The following HTR2B variants were observed in gnomAD, a reference collection of about 807,000 sequenced individuals.
HTR2B encodes the protein 5-HT 2B receptor.
HTR2B carries 31 observed loss-of-function variants against 39.8 expected under a neutral mutation model. The observed-to-expected ratio is 0.78, with a 90% confidence interval of 0.58 to 1.05. The LOEUF (loss-of-function observed/expected upper bound fraction) is 1.05, where lower values mean the gene tolerates loss of function less well. HTR2B is among the 50% of genes least tolerant of loss of function. HTR2B has a pLI of 0.00. For missense variants in HTR2B, 562 were observed against 578.0 expected (o/e 0.97, Z 0.28); for synonymous variants, 210 against 207.1 (o/e 1.01, Z -0.12).
chr2:231,122,186 A>G (rs560282370), intron 2 of HTR2B, among the ~76,000 whole-genome samples: 4 of 152,260 alleles, frequency 2.6e-5, no homozygotes, highest in African/African-American at 7.2e-5. Flanking sequence ...GTAGAACTTT[A>G]CTCATTACTG....
chr2:231,118,461 G>A (rs112619219), intron 2 of HTR2B, among the ~76,000 whole-genome samples: 3,374 of 152,190 alleles, frequency 0.022, 135 homozygotes, highest in African/African-American at 0.077. Flanking sequence ...ACTTTCAATT[G>A]AATTTGTCAT....
chr2:231,114,086 C>T (rs2125215285), intron 2 of HTR2B, among the ~76,000 whole-genome samples, 157 bp from the exon 3 acceptor site: 1 of 152,280 alleles, frequency 6.6e-6, no homozygotes, highest in African/African-American at 2.4e-5. Flanking sequence ...ATGGAGACAA[C>T]ATTAAATTCA....
intron 3 of HTR2B, 121 bp downstream of exon 3, chr2:231,113,608 T>G: frequency 1.2e-6 from 1 of 838,858 alleles, no homozygotes; most frequent in Non-Finnish European, 2.1e-6. Flanking sequence ...TATGTTAATG[T>G]ATCAGTAGGC....
intron 2 of HTR2B, among the ~76,000 whole-genome samples, chr2:231,120,081 A>G (rs1695484528): frequency 6.6e-6 from 1 of 151,352 alleles, no homozygotes; most frequent in South Asian, 2.1e-4. Context: ...TCTCCCGAGT[A>G]GCTGGGACTA....
At chr2:231,113,553 G>A (rs190721471) in intron 3 of HTR2B, among the ~76,000 whole-genome samples, 176 bp downstream of exon 3, 71 of 152,352 alleles carry the variant, frequency 4.7e-4, no homozygotes, top group African/African-American at 1.6e-3. Context: ...TTTACCAACA[G>A]TATGTTTTAG....
At chr2:231,117,116 ATTAAT>A (rs1695370082) in intron 2 of HTR2B, among the ~76,000 whole-genome samples, 2 of 152,064 alleles carry the variant, frequency 1.3e-5, no homozygotes, top group Admixed American at 6.5e-5. Flanking sequence ...TTTAGTTAGT[ATTAAT>A]TTAGCTCAAA....
intron 2 of HTR2B, among the ~76,000 whole-genome samples, chr2:231,115,120 G>C (rs1278170026): frequency 6.6e-6 from 1 of 151,966 alleles, no homozygotes; most frequent in Admixed American, 6.6e-5. Flanking sequence ...AGAACAACAA[G>C]AGACTCTTCT....
Position 231,108,409 on chromosome 2 carries a change from A to G in HTR2B, c.*108T>C, listed in dbSNP as rs924551696. On this transcript the variant is annotated 3_prime_UTR_variant, in exon 4 of 4. Transcript: ENST00000258400. ...AATACTTACATCTTAGGTTAAAGAG[A>G]TGATTTGATATATGACATAAAATTC... The G allele has an allele frequency of 1.8e-5, 14 of 784,030 alleles. No homozygotes were observed. The African/African-American group carries it at 2.4e-4, about 14-fold the overall frequency. The allele number at this position is 784,030 out of a possible 1,614,324, so 48.6% of individuals were successfully genotyped here.
At chr2:231,111,010 T>C (rs1312174385) in intron 3 of HTR2B, among the ~76,000 whole-genome samples, 4 of 152,248 alleles carry the variant, frequency 2.6e-5, no homozygotes, top group Non-Finnish European at 5.9e-5. Context: ...GTTTATTTTA[T>C]CTACTTAATA....
chr2:231,120,241 C>T lies in HTR2B; in HGVS notation c.352+3172G>A, dbSNP rs145082949. Reference sequence around the variant, plus strand: ...TGCTGGGGTTACAGGCATGAGCCACCGTGCCCAGCCTCCCCTGTTACTTTT... The same window carrying T: ...TGCTGGGGTTACAGGCATGAGCCACTGTGCCCAGCCTCCCCTGTTACTTTT... On this transcript the variant is annotated intron_variant, in intron 2 of 3. Coordinates refer to ENST00000258400, the MANE Select transcript of HTR2B (RefSeq NM_000867.5). Among the ~76,000 whole-genome samples the T allele has an allele frequency of 5.9e-3, 899 of 152,270 alleles. 6 individuals are homozygous for T. The highest frequency in any genetic ancestry group is 8.7e-3 in the Non-Finnish European group (590 of 68,020).
In HTR2B at chr2:231,123,513, C is replaced by T. The variant is rs1695622844; in HGVS notation, c.252G>A (p.Lys84=). Reference sequence around the variant, plus strand: ...GAAAGTAATTAGTAGCATACTGCAGCTTCTTCTCCAGTGAAACAGCCAGAA... The same window carrying T: ...GAAAGTAATTAGTAGCATACTGCAGTTTCTTCTCCAGTGAAACAGCCAGAA... ...LVILAVSLEK[K]LQYATNYFLM... is the part of the protein sequence containing the mutation. Residue 84 remains lysine, a synonymous_variant, in exon 2 of 4, where the codon AAG becomes AAA. Transcript: ENST00000258400. The T allele has an allele frequency of 6.2e-7, 1 of 1,613,920 alleles. No individual in the cohort carries two copies. Among genetic ancestry groups the T allele is most frequent in the South Asian group, 1.1e-5 (1 of 91,080 alleles).
At chr2:231,122,968 G>A (rs1695597165) in intron 2 of HTR2B, among the ~76,000 whole-genome samples, 1 of 152,018 alleles carries the variant, frequency 6.6e-6, no homozygotes, top group African/African-American at 2.4e-5. Context: ...TTTTAAACTG[G>A]GGTTTAGTGA....
chr2:231,120,768 T>A (rs1695512566), intron 2 of HTR2B, among the ~76,000 whole-genome samples: 1 of 152,240 alleles, frequency 6.6e-6, no homozygotes, highest in Admixed American at 6.5e-5. Flanking sequence ...GCTAAAATTA[T>A]TGCTCATAGT....
intron 2 of HTR2B, among the ~76,000 whole-genome samples, chr2:231,118,933 T>C (rs946123861): frequency 5.9e-5 from 9 of 152,220 alleles, no homozygotes; most frequent in Admixed American, 2.0e-4. Context: ...TTTTCAAATA[T>C]ACATTTATCT....
chr2:231,123,678 A>G lies in HTR2B; in HGVS notation c.87T>C (p.Ser29=), dbSNP rs1423547028. 1 of 1,614,084 alleles carries G rather than the reference A, an allele frequency of 6.2e-7. No individual in the cohort carries two copies. Among genetic ancestry groups the G allele is most frequent in the East Asian group, 2.2e-5 (1 of 44,884 alleles). ...ATTCTGTCTGTAATCCAGACCAGTT[A>G]GAAGAGATAACGTGAACAAAGGTGC... The part of the protein sequence containing the change: ...LQSTFVHVIS[S]NWSGLQTESI... The change falls in exon 2 of 4, where the codon TCT becomes TCC. Residue 29 remains serine, a synonymous_variant. Transcript: ENST00000258400.
At position 231,123,871 on chromosome 2, in the gene HTR2B, A is replaced by G. The variant is rs1457619354; in HGVS notation, c.-107T>C. On this transcript the variant is annotated 5_prime_UTR_variant, in exon 2 of 4. The change abolishes the stop of an existing upstream ORF in the 5' untranslated region. Transcript: ENST00000258400. ...GGCATTGTAACCATGCCAAACACTC[A>G]AAAGCCAAAGTTGACACCTTCCTTT... The G allele has an allele frequency of 1.1e-6, 1 of 907,546 alleles. No homozygotes were observed. Among genetic ancestry groups the G allele is most frequent in the Non-Finnish European group, 1.8e-6 (1 of 548,980 alleles). The allele number at this position is 907,546 out of a possible 1,614,324, so 56.2% of individuals were successfully genotyped here. A position where few individuals can be genotyped will look rare whatever the true frequency, so the allele number is the denominator to read the frequency against.
In HTR2B at chr2:231,108,599, G is replaced by C. The variant is rs1309735509; in HGVS notation, c.1364C>G (p.Ser455Cys). Residue 455 changes from serine to cysteine, a missense_variant, in exon 4 of 4, where the codon TCT becomes TGT. Coordinates refer to ENST00000258400, the MANE Select transcript of HTR2B (RefSeq NM_000867.5). ...PMRLRSSTIQSSSIILLDTLL... is the reference protein window; with the variant it reads ...PMRLRSSTIQCSSIILLDTLL... ...CGTATCTAGTAGAATGATTGATGAA[G>C]ACTGAATGGTTGAACTTCGGAGCCT... 1.9e-6 allele frequency: 3 copies of C among 1,613,704 alleles called. No individual in the cohort carries two copies. In the African/African-American group the frequency reaches 4.0e-5, roughly 22 times the overall value.
At chr2:231,120,033 A>C (rs1361245572) in intron 2 of HTR2B, among the ~76,000 whole-genome samples, 1 of 148,818 alleles carries the variant, frequency 6.7e-6, no homozygotes, top group African/African-American at 2.5e-5. Context: ...GCTCACTGCA[A>C]CTCTGTCTTC....
At position 231,123,566 on chromosome 2, in the gene HTR2B, G is replaced by A. The variant is rs1695627478; in HGVS notation, c.199C>T (p.Pro67Ser). ...AALLILMVII[P>S]TIGGNTLVIL... ...ACAAGGGTATTTCCACCAATTGTGG[G>A]TATTATCACCATGAGTATCAGAAGA... Residue 67 changes from proline to serine, a missense_variant, in exon 2 of 4, where the codon CCC becomes TCC. Transcript: ENST00000258400. 2 of 1,613,962 alleles carry A rather than the reference G, an allele frequency of 1.2e-6. No individual in the cohort carries two copies. Among genetic ancestry groups the A allele is most frequent in the South Asian group, 1.1e-5 (1 of 91,084 alleles).
Sources: gnomAD v4.1 joint callset for allele counts (sites outside exome capture counted in the v4.1 genomes callset) on GRCh38, gnomAD v4.1.1 for gene constraint, MANE v1.5 for transcripts, NCBI Gene and HGNC (gene_info 2026-07-23, HGNC 2026-07-21) for gene names.